The following CYYR1 variants were observed in gnomAD, a reference collection of about 807,000 sequenced individuals.
CYYR1 encodes the protein cysteine and tyrosine-rich protein 1.
CYYR1 carries 14 observed loss-of-function variants against 15.2 expected under a neutral mutation model. The observed-to-expected ratio is 0.92, with a 90% CI of 0.61 to 1.44. CYYR1 has a LOEUF of 1.44. Ranked by LOEUF, CYYR1 falls within the 40% of genes most tolerant of loss-of-function variation. CYYR1 has a pLI of 0.00. For missense variants in CYYR1, 228 were observed against 209.5 expected, an observed-to-expected ratio of 1.09 and a Z score of -0.54; for synonymous variants, 80 against 77.4, an observed-to-expected ratio of 1.03 and a Z score of -0.18.
intron 2 of CYYR1, among the ~76,000 whole-genome samples, chr21:26,485,770 T>A (rs146713757): frequency 6.6e-6 from 1 of 152,214 alleles, no homozygotes; most frequent in Non-Finnish European, 1.5e-5. Flanking sequence ...TAAACAATCA[T>A]GTACAGATTT....
At chr21:26,515,477 A>T (rs2065715433) in intron 2 of CYYR1, among the ~76,000 whole-genome samples, 1 of 151,996 alleles carries the variant, frequency 6.6e-6, no homozygotes, top group South Asian at 2.1e-4. Context: ...CTCCTGCCTC[A>T]GCTCCCCAGG....
chr21:26,487,251 A>G (rs542239449), intron 2 of CYYR1, among the ~76,000 whole-genome samples: 1 of 152,214 alleles, frequency 6.6e-6, no homozygotes, highest in Non-Finnish European at 1.5e-5. Context: ...CCATAGCTTC[A>G]AAAGAATAAA....
chr21:26,484,504 A>G (rs924107728), intron 2 of CYYR1, among the ~76,000 whole-genome samples: 4 of 152,150 alleles, frequency 2.6e-5, no homozygotes, highest in Non-Finnish European at 5.9e-5. Flanking sequence ...ATTAAATAAT[A>G]GCAGAGTCCA....
intron 2 of CYYR1, among the ~76,000 whole-genome samples, chr21:26,533,217 ATATAT>A (rs1451280483): frequency 2.0e-5 from 3 of 148,626 alleles, no homozygotes; most frequent in African/African-American, 7.4e-5. Flanking sequence ...ATTTATACAT[ATATAT>A]TATATTCATA....
chr21:26,546,552 C>T (rs1388396905), intron 2 of CYYR1, among the ~76,000 whole-genome samples: 4 of 152,190 alleles, frequency 2.6e-5, no homozygotes, highest in Admixed American at 1.3e-4. Flanking sequence ...GTACTAAATG[C>T]AGACTAAATT....
chr21:26,487,736 CTATTTT>C (rs978496323), intron 2 of CYYR1, among the ~76,000 whole-genome samples: 6 of 151,930 alleles, frequency 3.9e-5, no homozygotes, highest in African/African-American at 1.4e-4. Flanking sequence ...ATCTCTATTT[CTATTTT>C]TATCTCTATG....
At chr21:26,549,450 GTACATT>G (rs1216209054) in intron 2 of CYYR1, among the ~76,000 whole-genome samples, 7 of 152,082 alleles carry the variant, frequency 4.6e-5, no homozygotes, top group African/African-American at 1.7e-4. Flanking sequence ...TCATCGGACT[GTACATT>G]TCTCTTAATA....
intron 2 of CYYR1, among the ~76,000 whole-genome samples, chr21:26,544,765 T>C (rs2123661481): frequency 6.6e-6 from 1 of 152,184 alleles, no homozygotes; most frequent in African/African-American, 2.4e-5. Context: ...TATTTTTGAA[T>C]TGTGAATATA....
intron 2 of CYYR1, among the ~76,000 whole-genome samples, chr21:26,516,771 TAATGAAAGG>T (rs2065732215): frequency 6.6e-6 from 1 of 152,174 alleles, no homozygotes; most frequent in Non-Finnish European, 1.5e-5. Context: ...AGCTAGCAAG[TAATGAAAGG>T]ATTCTAGGGA....
At chr21:26,531,450 T>C (rs222940) in intron 2 of CYYR1, among the ~76,000 whole-genome samples, 5,672 of 152,276 alleles carry the variant, frequency 0.037, 142 homozygotes, top group South Asian at 0.092. Context: ...TGGGAGGGGA[T>C]TGAATCCCTG....
At chr21:26,529,638 G>T (rs2065906537) in intron 2 of CYYR1, among the ~76,000 whole-genome samples, 1 of 152,212 alleles carries the variant, frequency 6.6e-6, no homozygotes, top group Admixed American at 6.5e-5. Context: ...GCATATAAAT[G>T]CAGATCCTGA....
rs1244755397 is a variant in CYYR1, at chr21:26,536,439, T to C, written c.176+29827A>G. On this transcript the variant is annotated intron_variant, in intron 2 of 3. Transcript: ENST00000652641. The stretch of plus-strand genomic sequence containing the variant: ...ACCAAAGGGAGGTGATGTCAAATTA[T>C]AACATTTCAAAATCAGGTAAGGCAG... 4.6e-5 allele frequency among the ~76,000 whole-genome samples: 7 copies of C among 152,328 alleles called. No individual in the cohort carries two copies. In the East Asian group the frequency reaches 1.4e-3, roughly 29 times the overall value.
At chr21:26,499,836 GTT>G (rs201220917) in intron 2 of CYYR1, among the ~76,000 whole-genome samples, 5 of 137,974 alleles carry the variant, frequency 3.6e-5, no homozygotes, top group African/African-American at 5.3e-5. Flanking sequence ...ACACATTTTT[GTT>G]TTTTTTTTTT....
chr21:26,492,083 T>C (rs1202580032), intron 2 of CYYR1, among the ~76,000 whole-genome samples: 2 of 152,224 alleles, frequency 1.3e-5, no homozygotes, highest in Non-Finnish European at 2.9e-5. Flanking sequence ...TGTCATACTT[T>C]GGCTTCCTCT....
At chr21:26,546,541 T>C (rs1978989211) in intron 2 of CYYR1, among the ~76,000 whole-genome samples, 1 of 152,218 alleles carries the variant, frequency 6.6e-6, no homozygotes, top group Admixed American at 6.5e-5. Flanking sequence ...TTATGACCTA[T>C]GTACTAAATG....
chr21:26,497,758 T>G (rs1449256255), intron 2 of CYYR1, among the ~76,000 whole-genome samples: 1 of 152,168 alleles, frequency 6.6e-6, no homozygotes, highest in Non-Finnish European at 1.5e-5. Flanking sequence ...TAATAATTAA[T>G]TTTTGGGGGA....
At chr21:26,479,397 C>A (rs1253768237) in intron 3 of CYYR1, among the ~76,000 whole-genome samples, 3 of 151,694 alleles carry the variant, frequency 2.0e-5, no homozygotes, top group African/African-American at 7.3e-5. Context: ...TGTTCTTTTC[C>A]TGTAGAGACA....
chr21:26,572,747 G>A (rs2123757164), intron 1 of CYYR1, 121 bp downstream of exon 1: 2 of 1,216,092 alleles, frequency 1.6e-6, no homozygotes, highest in Non-Finnish European at 1.1e-6. Context: ...AAAGGCAGAA[G>A]CGTCTGCAAA....
chr21:26,498,261 TCTC>T (rs780724664), intron 2 of CYYR1, among the ~76,000 whole-genome samples: 1 of 152,242 alleles, frequency 6.6e-6, no homozygotes, highest in Non-Finnish European at 1.5e-5. Flanking sequence ...TTGGCATTCT[TCTC>T]ATAGCATTCT....
Sources: gnomAD v4.1 joint callset for allele counts (sites outside exome capture counted in the v4.1 genomes callset) on GRCh38, gnomAD v4.1.1 for gene constraint, MANE v1.5 for transcripts, NCBI Gene and HGNC (gene_info 2026-07-23, HGNC 2026-07-21) for gene names.